CTNNA2: variants seen among roughly 807,000 people sequenced by gnomAD.
The protein encoded by CTNNA2 is catenin alpha-2.
Under a neutral mutation model 101.0 loss-of-function variants are expected in CTNNA2, and 42 were observed. The observed-to-expected ratio is 0.42, with a 90% CI of 0.32 to 0.54. The LOEUF (loss-of-function observed/expected upper bound fraction) is 0.54. Among genes scored for constraint, CTNNA2 ranks in the 20% least tolerant of loss-of-function variants. The probability of loss-of-function intolerance (pLI) is 0.14; values close to 1 mark genes in which losing one functional copy is unlikely to be tolerated. For synonymous variants in CTNNA2, 450 were observed against 456.4 expected, an observed-to-expected ratio of 0.99 and a Z score of 0.18; for missense variants, 871 against 1,223.1, an observed-to-expected ratio of 0.71 and a Z score of 4.29.
chr2:80,336,503 A>G (rs1353354108), intron 7 of CTNNA2, among the ~76,000 whole-genome samples: 1 of 152,126 alleles, frequency 6.6e-6, no homozygotes, highest in East Asian at 1.9e-4. Flanking sequence ...ACATTACTAC[A>G]CTTCACCTTA....
At chr2:80,258,803 A>G (rs1191444450) in intron 7 of CTNNA2, among the ~76,000 whole-genome samples, 13 of 152,028 alleles carry the variant, frequency 8.6e-5, no homozygotes. Flanking sequence ...CCTCTACTGG[A>G]CAAAGGGACA....
At chr2:80,322,824 G>A (rs6547303) in intron 7 of CTNNA2, among the ~76,000 whole-genome samples, 58,288 of 152,042 alleles carry the variant, frequency 0.38, 12,016 homozygotes, top group African/African-American at 0.54. Flanking sequence ...GGCTGCCTCG[G>A]CATCCAAGAC....
At chr2:79,982,251 TGTACAC>T (rs1691368922) in intron 7 of CTNNA2, among the ~76,000 whole-genome samples, 1 of 88,818 alleles carries the variant, frequency 1.1e-5, no homozygotes. Flanking sequence ...TGTATGTATA[TGTACAC>T]ACACACATAA....
At chr2:80,397,560 A>G (rs1678130159) in intron 8 of CTNNA2, among the ~76,000 whole-genome samples, 2 of 152,144 alleles carry the variant, frequency 1.3e-5, no homozygotes, top group South Asian at 4.1e-4. Context: ...ATGGTTTTAT[A>G]AAGGGGAATT....
At chr2:79,791,623 G>C (rs1675278733) in intron 3 of CTNNA2, among the ~76,000 whole-genome samples, 1 of 152,142 alleles carries the variant, frequency 6.6e-6, no homozygotes, top group South Asian at 2.1e-4. Context: ...GTGGAGAGAA[G>C]AAAATGGGGA....
At chr2:79,286,037 T>C (rs1158495305) in intron 2 of CTNNA2, among the ~76,000 whole-genome samples, 2 of 151,190 alleles carry the variant, frequency 1.3e-5, no homozygotes, top group Non-Finnish European at 2.9e-5. Flanking sequence ...TTGATCTTTG[T>C]TGGTTTAAAG....
chr2:80,560,939 A>G (rs1297382681), intron 12 of CTNNA2, among the ~76,000 whole-genome samples: 1 of 151,994 alleles, frequency 6.6e-6, no homozygotes, highest in Non-Finnish European at 1.5e-5. Context: ...AGAACTTTAC[A>G]CTTTGTCTTT....
intron 9 of CTNNA2, among the ~76,000 whole-genome samples, chr2:80,530,642 G>A (rs919205447): frequency 2.0e-5 from 3 of 152,156 alleles, no homozygotes; most frequent in African/African-American, 4.8e-5. Context: ...AGCAGAACTG[G>A]GATGAGCCTG....
At chr2:79,948,814 A>G (rs1056165583) in intron 7 of CTNNA2, among the ~76,000 whole-genome samples, 1 of 151,206 alleles carries the variant, frequency 6.6e-6, no homozygotes, top group East Asian at 2.0e-4. Context: ...TAAAAATACA[A>G]AAAAATAGCC....
At chr2:79,307,222 A>T (rs1676267586) in intron 2 of CTNNA2, among the ~76,000 whole-genome samples, 1 of 152,160 alleles carries the variant, frequency 6.6e-6, no homozygotes, top group Non-Finnish European at 1.5e-5. Context: ...TCAAATGTCG[A>T]TCACTTCTTT....
chr2:79,303,325 C>T (rs1386994895), intron 2 of CTNNA2, among the ~76,000 whole-genome samples: 1 of 152,196 alleles, frequency 6.6e-6, no homozygotes, highest in East Asian at 1.9e-4. Flanking sequence ...CCGAAACAAT[C>T]TCTCCAGGTT....
chr2:80,344,482 A>G (rs1024761889), intron 7 of CTNNA2, among the ~76,000 whole-genome samples: 1 of 152,078 alleles, frequency 6.6e-6, no homozygotes, highest in Admixed American at 6.6e-5. Flanking sequence ...TGGTGTCTCA[A>G]TCTTAACATT....
chr2:79,669,572 G>A (rs555871629), intron 2 of CTNNA2, among the ~76,000 whole-genome samples: 3 of 152,190 alleles, frequency 2.0e-5, no homozygotes, highest in South Asian at 4.1e-4. Context: ...GTCCAGTCGA[G>A]TGTTCAGCTC....
At chr2:79,494,775 A>C (rs1330241798) in intron 4 of CTNNA2, among the ~76,000 whole-genome samples, 1 of 152,166 alleles carries the variant, frequency 6.6e-6, no homozygotes, top group Non-Finnish European at 1.5e-5. Flanking sequence ...CATTAAAAGC[A>C]CAAGTGACAA....
At chr2:79,436,926 C>T (rs747954746) in intron 4 of CTNNA2, among the ~76,000 whole-genome samples, 33 of 151,992 alleles carry the variant, frequency 2.2e-4, no homozygotes, top group Non-Finnish European at 3.7e-4. Flanking sequence ...CCACCATGCC[C>T]GGCCCAATTA....
At chr2:80,443,110 C>T (rs1376232372) in intron 9 of CTNNA2, among the ~76,000 whole-genome samples, 1 of 152,164 alleles carries the variant, frequency 6.6e-6, no homozygotes, top group Non-Finnish European at 1.5e-5. Context: ...AGGCAGCCTT[C>T]CTGTGGAACC....
intron 7 of CTNNA2, among the ~76,000 whole-genome samples, chr2:80,061,478 G>A (rs1697595676): frequency 1.3e-5 from 2 of 152,094 alleles, no homozygotes. Context: ...TCATTTAAAA[G>A]TAAAAGGGCA....
At chr2:79,887,483 A>AT (rs1335173490) in intron 6 of CTNNA2, among the ~76,000 whole-genome samples, 2 of 151,988 alleles carry the variant, frequency 1.3e-5, no homozygotes. Context: ...TCTTGCACTG[A>AT]TTTTTTTGGC....
chr2:79,304,075 G>A (rs58921527), intron 2 of CTNNA2, among the ~76,000 whole-genome samples: 7,123 of 152,086 alleles, frequency 0.047, 426 homozygotes, highest in African/African-American at 0.13. Flanking sequence ...GGCCAGTGGG[G>A]CAGGTCAAGT....
Sources: allele counts gnomAD v4.1 joint callset (sites outside exome capture counted in the v4.1 genomes callset), GRCh38; gene constraint gnomAD v4.1.1; transcripts MANE v1.5; gene names NCBI Gene and HGNC (gene_info 2026-07-23, HGNC 2026-07-21).